The following WDR74 variants were observed in gnomAD, a reference collection of about 807,000 sequenced individuals.
WDR74 encodes WD repeat-containing protein 74.
WDR74 carries 31 observed loss-of-function variants against 45.6 expected under a neutral mutation model. The observed-to-expected ratio is 0.68, with a 90% CI of 0.51 to 0.92. The LOEUF is 0.92. Ranked by LOEUF, WDR74 falls within the 40% of genes least tolerant of loss-of-function variation. The pLI, the probability that WDR74 is intolerant of heterozygous loss-of-function variation, is 0.00. For synonymous variants in WDR74, 191 were observed against 192.4 expected (o/e 0.99, Z 0.06); for missense variants, 455 against 497.2 (o/e 0.92, Z 0.81).
At chr11:62,834,687 G>T in intron 6 of WDR74, 160 bp from the exon 7 acceptor site, 1 of 656,826 alleles carries the variant, frequency 1.5e-6, no homozygotes, top group South Asian at 1.9e-5. Context: ...GAGCATCAGG[G>T]TGTCAGGAGA....
At chr11:62,839,059 G>A in intron 3 of WDR74, 55 bp downstream of exon 3, 2 of 1,606,200 alleles carry the variant, frequency 1.2e-6, no homozygotes, top group Non-Finnish European at 8.5e-7. Context: ...AGTATCCTCA[G>A]GGAGCATCAA....
chr11:62,841,465 A>T (rs1363837991), upstream of WDR74: 5 of 152,210 alleles, frequency 3.3e-5, no homozygotes, highest in African/African-American at 1.2e-4. Flanking sequence ...TATAAAACAA[A>T]ACCTTCTCTC....
At position 62,837,268 on chromosome 11, in the gene WDR74, G is replaced by A. The variant is rs149110866; in HGVS notation, c.294-1232C>T. ...AGCATTTTGGGAGGCTGAGGTGGGC[G>A]GATTGCCTGAGGTCAGGAGTTCCAG... On this transcript the variant is annotated intron_variant, in intron 3 of 10. Transcript: ENST00000278856. Among the ~76,000 whole-genome samples the A allele has an allele frequency of 5.3e-3, 789 of 149,856 alleles. 6 individuals carry two copies. The highest frequency in any genetic ancestry group is 0.019 in the African/African-American group (764 of 40,760).
At chr11:62,834,390 G>GGGGGCGCCC in intron 7 of WDR74, 37 bp downstream of exon 7, 1 of 1,584,238 alleles carries the variant, frequency 6.3e-7, no homozygotes. Flanking sequence ...CCCTTCTCAA[G>GGGGGCGCCC]CCCCACCCTC....
chr11:62,841,461 A>G (rs1039637584), upstream of WDR74: 2 of 152,254 alleles, frequency 1.3e-5, no homozygotes, highest in South Asian at 4.1e-4. Context: ...CAGTTATAAA[A>G]CAAAACCTTC....
At chr11:62,841,493 C>G (rs1298645636), upstream of WDR74, 2 of 152,180 alleles carry the variant, frequency 1.3e-5, no homozygotes, top group Non-Finnish European at 2.9e-5. Flanking sequence ...CACTCAAACA[C>G]GCGTCATTCA....
chr11:62,841,372 C>T (rs966746404), upstream of WDR74, among the ~76,000 whole-genome samples: 1 of 151,998 alleles, frequency 6.6e-6, no homozygotes, highest in South Asian at 2.1e-4. Flanking sequence ...TGGTGGCAAG[C>T]GCTCAATAGT....
upstream of WDR74, chr11:62,839,634 G>C: frequency 3.2e-6 from 5 of 1,542,972 alleles, no homozygotes; most frequent in South Asian, 1.2e-5. Flanking sequence ...AGCGGGCGTC[G>C]AGTCCGATGC....
chr11:62,840,864 C>T (rs1021852516), upstream of WDR74, among the ~76,000 whole-genome samples: 4 of 152,164 alleles, frequency 2.6e-5, no homozygotes, highest in Admixed American at 2.6e-4. Context: ...CTTGAAACCC[C>T]GAGCGCGACC....
chr11:62,835,866 C>T (rs765613667), intron 4 of WDR74, 25 bp from the exon 5 acceptor site: 39 of 1,600,690 alleles, frequency 2.4e-5, no homozygotes, highest in Non-Finnish European at 3.1e-5. Flanking sequence ...AGATAAGAGT[C>T]CGTTCCAGAG....
Position 62,833,922 on chromosome 11 carries a change from C to G in WDR74, c.791G>C (p.Cys264Ser). ...IDLRQGRLLG[C>S]LKGLAGSVRG... ...CACACTGCCTGCCAGCCCCTTCAGACAGCCCAGTAGACGCCCTAGAGAAGG... is the reference window on the plus strand; with the variant it reads ...CACACTGCCTGCCAGCCCCTTCAGAGAGCCCAGTAGACGCCCTAGAGAAGG... The change falls in exon 9 of 11, where the codon TGT becomes TCT. Residue 264 changes from cysteine to serine, a missense_variant. Transcript: ENST00000278856. The G allele has an allele frequency of 6.2e-7, 1 of 1,613,934 alleles. No individual in the cohort carries two copies. The highest frequency in any genetic ancestry group is 8.5e-7 in the Non-Finnish European group (1 of 1,179,864).
upstream of WDR74, chr11:62,841,638 G>T (rs545187938): frequency 6.6e-6 from 1 of 152,208 alleles, no homozygotes; most frequent in Non-Finnish European, 1.5e-5. Flanking sequence ...ACCGTTCCTG[G>T]AAGTACTGCA....
In WDR74 at chr11:62,839,576, A is replaced by T; in HGVS notation, c.-6T>A. 1 of 1,606,672 alleles carries T rather than the reference A, an allele frequency of 6.2e-7. No individual in the cohort carries two copies. Among genetic ancestry groups the T allele is most frequent in the South Asian group, 1.1e-5 (1 of 90,726 alleles). On this transcript the variant is annotated 5_prime_UTR_variant, in exon 1 of 11. Coordinates refer to ENST00000278856, the MANE Select transcript of WDR74 (RefSeq NM_001369450.1). The stretch of plus-strand genomic sequence containing the variant: ...CGTGCAGCAGCAGCCGCCATGACAA[A>T]GCCTGGAGGCAGACAGTTCACACTT...
chr11:62,834,390 G>GCGGGCCCC, intron 7 of WDR74, 37 bp downstream of exon 7: 10 of 1,584,218 alleles, frequency 6.3e-6, no homozygotes, highest in African/African-American at 1.4e-5. Flanking sequence ...CCCTTCTCAA[G>GCGGGCCCC]CCCCACCCTC....
upstream of WDR74, among the ~76,000 whole-genome samples, chr11:62,840,721 G>C (rs554817409): frequency 2.0e-5 from 3 of 152,308 alleles, no homozygotes; most frequent in South Asian, 2.1e-4. Context: ...TCTCAGGCTA[G>C]AGCGCCCGCC....
At chr11:62,841,331 A>C (rs2085044516), upstream of WDR74, among the ~76,000 whole-genome samples, 2 of 152,122 alleles carry the variant, frequency 1.3e-5, no homozygotes, top group Non-Finnish European at 2.9e-5. Flanking sequence ...AAAATAAATA[A>C]GAAATAAAAA....
At chr11:62,840,026 A>G (rs2085024406), upstream of WDR74, 1 of 156,074 alleles carries the variant, frequency 6.4e-6, no homozygotes, top group East Asian at 1.9e-4. Context: ...CTTTTGAGAG[A>G]ACTTCGCCCT....
intron 3 of WDR74, among the ~76,000 whole-genome samples, chr11:62,837,710 C>G (rs1565222739): frequency 6.6e-6 from 1 of 152,144 alleles, no homozygotes; most frequent in Non-Finnish European, 1.5e-5. Flanking sequence ...CCAGTCCCCC[C>G]CACAGGCTTT....
At chr11:62,841,303 C>T (rs913974933), upstream of WDR74, among the ~76,000 whole-genome samples, 1 of 151,912 alleles carries the variant, frequency 6.6e-6, no homozygotes, top group Admixed American at 6.6e-5. Context: ...GGCGACAGAG[C>T]AAGACGACGT....
Sources: allele counts gnomAD v4.1 joint callset (sites outside exome capture counted in the v4.1 genomes callset), GRCh38; gene constraint gnomAD v4.1.1; transcripts MANE v1.5; gene names NCBI Gene and HGNC (gene_info 2026-07-23, HGNC 2026-07-21).